The following ELAC2 variants were observed in gnomAD, a reference collection of about 807,000 sequenced individuals.
The protein encoded by ELAC2 is zinc phosphodiesterase ELAC protein 2.
Under a neutral mutation model 105.2 loss-of-function variants are expected in ELAC2, and 92 were observed. The ratio of observed to expected loss-of-function variants is 0.87; its 90% CI spans 0.74 to 1.04. ELAC2 has a LOEUF of 1.04. Among genes scored for constraint, ELAC2 ranks in the 50% least tolerant of loss-of-function variants. The pLI is 0.00. For missense variants in ELAC2, 1,099 were observed against 1,071.7 expected (o/e 1.03, Z -0.36); for synonymous variants, 468 against 409.1 (o/e 1.14, Z -1.74).
At chr17:12,994,606 C>T in intron 21 of ELAC2, 103 bp from the exon 22 acceptor site, 1 of 1,591,716 alleles carries the variant, frequency 6.3e-7, no homozygotes, top group Non-Finnish European at 8.6e-7. Flanking sequence ...CTCCCCTGGC[C>T]CTGGGTCTGC....
At chr17:13,012,421 C>G (rs2041468229) in intron 6 of ELAC2, among the ~76,000 whole-genome samples, 3 of 152,194 alleles carry the variant, frequency 2.0e-5, no homozygotes, top group Admixed American at 6.5e-5. Context: ...GGCATCTGAG[C>G]AGGAGGAGCA....
chr17:13,000,439 C>T (rs757842867), intron 14 of ELAC2, 165 bp from the exon 15 acceptor site: 60 of 700,274 alleles, frequency 8.6e-5, no homozygotes, highest in South Asian at 4.7e-4. Context: ...TCTGCTCCAC[C>T]GCCTTTTGGA....
intron 17 of ELAC2, 179 bp from the exon 18 acceptor site, chr17:12,996,157 C>A (rs756216349): frequency 1.7e-4 from 130 of 761,576 alleles, no homozygotes; most frequent in Non-Finnish European, 2.7e-4. Flanking sequence ...TGAAATGTCA[C>A]AGGCAGAAAG....
intron 12 of ELAC2, chr17:13,002,831 G>T: frequency 1.8e-6 from 1 of 567,172 alleles, no homozygotes; most frequent in Non-Finnish European, 3.1e-6. Context: ...AAGATGTCCA[G>T]GGCATACAAA....
At chr17:13,006,473 G>A (rs56375019) in intron 8 of ELAC2, 47,404 of 174,362 alleles carry the variant, frequency 0.27, 6,735 homozygotes, top group Middle Eastern at 0.35. Context: ...GTCATTTATT[G>A]TCAAATGCTT....
chr17:13,016,959 G>A, intron 2 of ELAC2, 27 bp from the exon 3 acceptor site: 2 of 1,613,506 alleles, frequency 1.2e-6, no homozygotes, highest in Non-Finnish European at 1.7e-6. Context: ...ATTTAAACAG[G>A]ATAACATGAA....
At chr17:13,001,390 G>C (rs1201815758) in intron 14 of ELAC2, among the ~76,000 whole-genome samples, 1 of 152,146 alleles carries the variant, frequency 6.6e-6, no homozygotes, top group Non-Finnish European at 1.5e-5. Flanking sequence ...TATTCGGGAG[G>C]CTGGGGCAGG....
Position 13,017,103 on chromosome 17 carries a change from T to A in ELAC2, c.264A>T (p.Gly88=), listed in dbSNP as rs767964105. The change falls in exon 2 of 24, where the codon GGA becomes GGT. Residue 88 remains glycine, a synonymous_variant. Transcript: ENST00000338034. The part of the protein sequence containing the change: ...SEFNRYLFNC[G]EGVQRLMQEH... ...CCTGCATGAGTCTCTGAACGCCTTC[T>A]CCACAGTTGAAGAGATACCTACAAG... The A allele has an allele frequency of 8.1e-6, 13 of 1,613,898 alleles. No individual in the cohort carries two copies. Among genetic ancestry groups the A allele is most frequent in the Non-Finnish European group, 1.1e-5 (13 of 1,180,000 alleles).
At chr17:13,002,603 T>C (rs375929892) in intron 12 of ELAC2, 24 bp from the exon 13 acceptor site, 7 of 1,582,368 alleles carry the variant, frequency 4.4e-6, no homozygotes, top group Non-Finnish European at 6.0e-6. Flanking sequence ...GACCCGGCAT[T>C]TGCAGCGTCT....
intron 8 of ELAC2, chr17:13,006,480 G>A (rs1429151898): frequency 5.8e-6 from 1 of 172,018 alleles, no homozygotes; most frequent in Non-Finnish European, 1.3e-5. Flanking sequence ...ATTGTCAAAT[G>A]CTTTAGTACT....
At chr17:13,013,176 T>A (rs767147022) in intron 6 of ELAC2, 31 bp downstream of exon 6, 24 of 1,611,202 alleles carry the variant, frequency 1.5e-5, no homozygotes, top group Non-Finnish European at 1.9e-5. Context: ...ACGTACACCC[T>A]CCTCCTGGGA....
In ELAC2 at chr17:12,996,348, A is replaced by C. The variant is rs936245521; in HGVS notation, c.1659+199T>G. The C allele has an allele frequency of 1.6e-5, 12 of 771,268 alleles. No homozygotes were observed. In the African/African-American group the frequency reaches 2.1e-4, roughly 13 times the overall value. 47.8% of individuals were successfully genotyped at this position (771,268 alleles called of 1,614,324 possible). On this transcript the variant is annotated intron_variant, in intron 17 of 23. Coordinates refer to ENST00000338034, the MANE Select transcript of ELAC2 (RefSeq NM_018127.7). ...CAAACCTGTCCTGCTGCAGGAAAGG[A>C]ACTGAACAGGAAGAGAAGACATTCT...
intron 16 of ELAC2, among the ~76,000 whole-genome samples, chr17:12,996,902 C>T (rs2040505322): frequency 6.6e-6 from 1 of 151,332 alleles, no homozygotes; most frequent in African/African-American, 2.4e-5. Context: ...CCATGGAACC[C>T]TGAAACCCTT....
At chr17:12,997,029 C>A (rs909285215) in intron 16 of ELAC2, among the ~76,000 whole-genome samples, 13 of 152,078 alleles carry the variant, frequency 8.5e-5, no homozygotes, top group African/African-American at 1.7e-4. Flanking sequence ...GTGGCCACAG[C>A]CTCTGTTGAA....
chr17:13,013,366 A>G, intron 5 of ELAC2, 91 bp from the exon 6 acceptor site: 1 of 1,351,658 alleles, frequency 7.4e-7, no homozygotes, highest in Non-Finnish European at 1.0e-6. Flanking sequence ...GAGCAACTGA[A>G]TTGCCTCAGA....
Position 12,996,409 on chromosome 17 carries a change from A to C in ELAC2, c.1659+138T>G, listed in dbSNP as rs4792308. 18 of 1,347,320 alleles carry C rather than the reference A, an allele frequency of 1.3e-5. No homozygotes were observed. The highest frequency in any genetic ancestry group is 1.7e-5 in the Non-Finnish European group (16 of 960,160). The allele number at this position is 1,347,320 out of a possible 1,614,324, so 83.5% of individuals were successfully genotyped here. A position where few individuals can be genotyped will look rare whatever the true frequency, so the allele number is the denominator to read the frequency against. On this transcript the variant is annotated intron_variant, in intron 17 of 23. Transcript: ENST00000338034. Reference sequence around the variant, plus strand: ...AAGGACTATGTTGAGTTTTGCAAAAAACCATTTCCTAGCCAGAGATGAGTA... The same window carrying C: ...AAGGACTATGTTGAGTTTTGCAAAACACCATTTCCTAGCCAGAGATGAGTA...
chr17:13,002,329 C>A lies in ELAC2; in HGVS notation c.1249G>T (p.Val417Phe). Residue 417 changes from valine to phenylalanine, a missense_variant, in exon 14 of 24, where the codon GTT becomes TTT. Val to Phe is a conservative substitution (Grantham distance 50). Coordinates refer to ENST00000338034, the MANE Select transcript of ELAC2 (RefSeq NM_018127.7). Reference protein sequence around the residue: ...KEGPTLSVPMVQGECLLKYQL... With the variant: ...KEGPTLSVPMFQGECLLKYQL... ...TACTTGAGGAGGCATTCACCCTGAA[C>A]CATGGGCACACTGAGGGTGGGGCCC... The A allele has an allele frequency of 1.9e-6, 3 of 1,614,202 alleles. No individual in the cohort carries two copies.
At chr17:13,006,125 C>T (rs2041094613) in intron 8 of ELAC2, 146 bp from the exon 9 acceptor site, 1 of 813,974 alleles carries the variant, frequency 1.2e-6, no homozygotes, top group Non-Finnish European at 2.0e-6. Flanking sequence ...AATTCCAGTA[C>T]TTTCGGAGGC....
rs759353706 is a variant in ELAC2, at chr17:13,010,601, A to T, written c.738+12T>A. On this transcript the variant is annotated intron_variant, in intron 8 of 23. Coordinates refer to ENST00000338034, the MANE Select transcript of ELAC2 (RefSeq NM_018127.7). Reference sequence around the variant, plus strand: ...CCCAGTCATGTACAGCCCTCCGGAAAGTCTTCCTTACCTTACAGATGAAAG... The same window carrying T: ...CCCAGTCATGTACAGCCCTCCGGAATGTCTTCCTTACCTTACAGATGAAAG... The T allele has an allele frequency of 1.3e-5, 21 of 1,613,808 alleles. No individual in the cohort carries two copies. The East Asian group carries it at 1.8e-4, about 14-fold the overall frequency.
Sources: gnomAD v4.1 joint callset for allele counts (sites outside exome capture counted in the v4.1 genomes callset) on GRCh38, gnomAD v4.1.1 for gene constraint, MANE v1.5 for transcripts, NCBI Gene and HGNC (gene_info 2026-07-23, HGNC 2026-07-21) for gene names.